Variants in IKBKB observed in about 807,000 individuals in gnomAD.
The protein encoded by IKBKB is inhibitor of nuclear factor kappa B kinase subunit beta, also known as inhibitor of nuclear factor kappa-B kinase subunit beta.
IKBKB carries 42 observed loss-of-function variants against 113.6 expected under a neutral mutation model. The observed-to-expected ratio is 0.37, with a 90% CI of 0.29 to 0.48. The LOEUF (loss-of-function observed/expected upper bound fraction) is 0.48. IKBKB is among the 20% of genes least tolerant of loss of function. IKBKB has a pLI of 0.99. For synonymous variants in IKBKB, 296 were observed against 361.3 expected (o/e 0.82, Z 2.05); for missense variants, 673 against 939.7 (o/e 0.72, Z 3.71).
chr8:42,308,578 G>A (rs1214935183), intron 7 of IKBKB, among the ~76,000 whole-genome samples: 1 of 152,138 alleles, frequency 6.6e-6, no homozygotes, highest in Non-Finnish European at 1.5e-5. Context: ...GATTACACGT[G>A]TGAGCCACTG....
At chr8:42,292,408 G>A (rs927900612) in intron 4 of IKBKB, among the ~76,000 whole-genome samples, 2 of 152,220 alleles carry the variant, frequency 1.3e-5, no homozygotes, top group African/African-American at 4.8e-5. Context: ...GGAAGGGCTC[G>A]CATCCTAAGG....
intron 19 of IKBKB, 77 bp downstream of exon 19, chr8:42,322,571 C>T: frequency 6.8e-7 from 1 of 1,481,048 alleles, no homozygotes; most frequent in Non-Finnish European, 9.3e-7. Flanking sequence ...CTGCCGCCAT[C>T]CCACACGGGA....
intron 2 of IKBKB, among the ~76,000 whole-genome samples, chr8:42,275,928 G>A (rs944556679): frequency 9.2e-5 from 14 of 151,952 alleles, no homozygotes; most frequent in African/African-American, 2.4e-4. Context: ...TGCAACCTCC[G>A]CCTCCCGGGA....
chr8:42,319,727 C>A, intron 15 of IKBKB, 81 bp downstream of exon 15: 1 of 1,152,114 alleles, frequency 8.7e-7, no homozygotes. Flanking sequence ...TCATCAAACA[C>A]TGGGTCGATC....
In IKBKB at chr8:42,330,934, A is replaced by G; in HGVS notation, c.2226A>G (p.Leu742=). Residue 742 remains leucine (L), a synonymous_variant, in exon 22 of 22, where the codon TTA becomes TTG. Transcript: ENST00000520810. ...TTCAGGCCCTAGACTGGAGCTGGTT[A>G]CAGACGGAAGAAGAAGAGCACAGCT... ...QSFTALDWSW[L]QTEEEEHSCL... 6.2e-7 allele frequency: 1 copy of G among 1,614,214 alleles called. No homozygotes were observed. Among genetic ancestry groups the G allele is most frequent in the Non-Finnish European group, 8.5e-7 (1 of 1,180,022 alleles).
intron 8 of IKBKB, chr8:42,309,354 A>C (rs761791350): frequency 1.2e-4 from 47 of 388,956 alleles, no homozygotes; most frequent in Middle Eastern, 6.9e-4. Flanking sequence ...GCTGTGTGTT[A>C]GTAAACAAAT....
intron 5 of IKBKB, chr8:42,298,015 T>C: frequency 1.2e-6 from 1 of 848,254 alleles, no homozygotes; most frequent in South Asian, 5.4e-5. Context: ...CTGGGACCCA[T>C]GTGGAGCAGC....
intron 7 of IKBKB, among the ~76,000 whole-genome samples, chr8:42,307,363 A>C (rs1816744941): frequency 6.6e-6 from 1 of 152,196 alleles, no homozygotes; most frequent in African/African-American, 2.4e-5. Context: ...CTAAAGTTCT[A>C]GACTTTATCT....
intron 2 of IKBKB, among the ~76,000 whole-genome samples, chr8:42,272,706 G>A (rs1808044733): frequency 6.6e-6 from 1 of 152,072 alleles, no homozygotes; most frequent in African/African-American, 2.4e-5. Flanking sequence ...TTGGGAGGCT[G>A]AGGCAGGCGG....
At chr8:42,321,161 C>A (rs1049223868) in intron 16 of IKBKB, 2 of 230,804 alleles carry the variant, frequency 8.7e-6, no homozygotes, top group Non-Finnish European at 1.7e-5. Context: ...TTTGTTCCAC[C>A]CACCCTGACT....
In IKBKB at chr8:42,317,702, G is replaced by C; in HGVS notation, c.1171G>C (p.Asp391His). ...TLDMDLVFLF[D>H]NSKITYETQI... Reference sequence around the variant, plus strand: ...GGACATGGATCTTGTTTTTCTCTTTGACAACAGTAAAATCACCTATGAGAC... The same window carrying C: ...GGACATGGATCTTGTTTTTCTCTTTCACAACAGTAAAATCACCTATGAGAC... The change falls in exon 12 of 22, where the codon GAC (aspartate) becomes CAC (histidine). Residue 391 changes from aspartate to histidine, a missense_variant. This residue lies in a region of IKBKB where 506 missense variants were observed against 638.7 expected (regional missense o/e 0.79). Coordinates refer to ENST00000520810, the MANE Select transcript of IKBKB (RefSeq NM_001556.3). The C allele has an allele frequency of 6.2e-7, 1 of 1,613,954 alleles. No homozygotes were observed. Among genetic ancestry groups the C allele is most frequent in the Non-Finnish European group, 8.5e-7 (1 of 1,179,876 alleles).
chr8:42,293,295 C>A, intron 4 of IKBKB, 148 bp from the exon 5 acceptor site: 1 of 893,490 alleles, frequency 1.1e-6, no homozygotes, highest in Non-Finnish European at 1.7e-6. Context: ...CCTGCTAGTT[C>A]TGCAGCCCTG....
chr8:42,290,428 C>T (rs1475781225), intron 4 of IKBKB, among the ~76,000 whole-genome samples, 155 bp downstream of exon 4: 2 of 152,006 alleles, frequency 1.3e-5, no homozygotes, highest in African/African-American at 2.4e-5. Context: ...ATCCTCTGTT[C>T]CCTGCCCACC....
Position 42,293,491 on chromosome 8 carries a change from C to T in IKBKB, c.367C>T (p.Leu123Phe), listed in dbSNP as rs1235572928. The part of the protein sequence containing the change: ...NCCGLREGAI[L>F]TLLSDIASAL... ...CTGTGGTCTGCGGGAAGGTGCCATC[C>T]TCACCTTGCTGAGTGACATTGGTAA... The change falls in exon 5 of 22, where the codon CTC becomes TTC. Residue 123 changes from leucine to phenylalanine, a missense_variant. Coordinates refer to ENST00000520810, the MANE Select transcript of IKBKB (RefSeq NM_001556.3). 1.9e-6 allele frequency: 3 copies of T among 1,614,048 alleles called. No individual in the cohort carries two copies. Among genetic ancestry groups the T allele is most frequent in the Non-Finnish European group, 1.7e-6 (2 of 1,179,912 alleles).
At chr8:42,290,402 C>A in intron 4 of IKBKB, 129 bp downstream of exon 4, 1 of 680,660 alleles carries the variant, frequency 1.5e-6, no homozygotes, top group East Asian at 2.7e-5. Context: ...TCCAGCAGGG[C>A]TGCTTTGCCT....
chr8:42,281,460 T>TA (rs1810363310), intron 2 of IKBKB, among the ~76,000 whole-genome samples: 1 of 152,098 alleles, frequency 6.6e-6, no homozygotes, highest in Non-Finnish European at 1.5e-5. Context: ...GGGAGGGAGT[T>TA]ACACCTGGAC....
chr8:42,303,329 G>C (rs1045342367), intron 5 of IKBKB, among the ~76,000 whole-genome samples: 3 of 152,118 alleles, frequency 2.0e-5, no homozygotes, highest in African/African-American at 7.2e-5. Flanking sequence ...AGAGTTGCCT[G>C]TTCTAATGTG....
chr8:42,312,954 C>T (rs1184211096), intron 8 of IKBKB, among the ~76,000 whole-genome samples: 1 of 152,222 alleles, frequency 6.6e-6, no homozygotes, highest in Non-Finnish European at 1.5e-5. Context: ...CCTGATTCTG[C>T]TACTCTGTTG....
chr8:42,280,449 T>C (rs956348317), intron 2 of IKBKB, among the ~76,000 whole-genome samples: 3 of 152,064 alleles, frequency 2.0e-5, no homozygotes, highest in Admixed American at 1.3e-4. Context: ...GATAACCGAG[T>C]GCTCCCACCT....
Sources: allele counts gnomAD v4.1 joint callset (sites outside exome capture counted in the v4.1 genomes callset), GRCh38; gene constraint gnomAD v4.1.1; regional missense constraint gnomAD v4.1.1; transcripts MANE v1.5; gene names NCBI Gene and HGNC (gene_info 2026-07-23, HGNC 2026-07-21).